SYNCRIP: variants seen among roughly 807,000 people sequenced by gnomAD.
SYNCRIP encodes heterogeneous nuclear ribonucleoprotein Q.
Under a neutral mutation model 68.9 loss-of-function variants are expected in SYNCRIP, and 9 were observed. That is an observed-to-expected ratio of 0.13 (90% CI 0.08 to 0.23). The LOEUF is 0.23. Among genes scored for constraint, SYNCRIP ranks in the 10% least tolerant of loss-of-function variants. The pLI, the probability that SYNCRIP is intolerant of heterozygous loss-of-function variation, is 1.00. For synonymous variants in SYNCRIP, 258 were observed against 254.0 expected, an observed-to-expected ratio of 1.02 and a Z score of -0.15; for missense variants, 414 against 770.6, an observed-to-expected ratio of 0.54 and a Z score of 5.48.
chr6:85,615,391 T>C (rs754181351), intron 10 of SYNCRIP, 44 bp from the exon 11 acceptor site: 2 of 1,336,778 alleles, frequency 1.5e-6, no homozygotes, highest in African/African-American at 2.9e-5. Flanking sequence ...TCAAATTACT[T>C]AGTTAACAAG....
At chr6:85,632,623 C>A (rs1807929045) in intron 6 of SYNCRIP, among the ~76,000 whole-genome samples, 1 of 152,114 alleles carries the variant, frequency 6.6e-6, no homozygotes, top group African/African-American at 2.4e-5. Context: ...AGATCCTACC[C>A]ACAGTAAAGC....
At position 85,620,773 on chromosome 6, in the gene SYNCRIP, C is replaced by T. The variant is rs535358778; in HGVS notation, c.1009-1356G>A. ...TCATATGGCAATTCTGTGCTTTCTG[C>T]TGTAAACCTAAAACTGCTCTAATGA... On this transcript the variant is annotated intron_variant, in intron 8 of 10. Transcript: ENST00000369622. Among the ~76,000 whole-genome samples the T allele has an allele frequency of 3.3e-5, 5 of 152,252 alleles. No homozygotes were observed. The Middle Eastern group carries it at 0.014, about 414-fold the overall frequency.
chr6:85,632,745 T>C (rs1277801417), intron 6 of SYNCRIP, among the ~76,000 whole-genome samples: 1 of 152,016 alleles, frequency 6.6e-6, no homozygotes, highest in Admixed American at 6.5e-5. Flanking sequence ...AGTTCAAGAC[T>C]AGCCTGGACA....
At chr6:85,632,609 T>G (rs1807927256) in intron 6 of SYNCRIP, among the ~76,000 whole-genome samples, 1 of 152,210 alleles carries the variant, frequency 6.6e-6, no homozygotes, top group Non-Finnish European at 1.5e-5. Context: ...AAAGCAAATC[T>G]ACCAGATCCT....
chr6:85,636,837 TG>T, intron 6 of SYNCRIP, 129 bp downstream of exon 6: 1 of 780,728 alleles, frequency 1.3e-6, no homozygotes, highest in Non-Finnish European at 2.0e-6. Context: ...CACAGTGATG[TG>T]GGAAAAAAAA....
At chr6:85,636,709 C>T (rs1015919616) in intron 6 of SYNCRIP, among the ~76,000 whole-genome samples, 1 of 152,102 alleles carries the variant, frequency 6.6e-6, no homozygotes, top group Admixed American at 6.5e-5. Flanking sequence ...AACAAACACA[C>T]AAAAACGTCA....
At chr6:85,643,833 C>T (rs1235805977), upstream of SYNCRIP, 1 of 152,262 alleles carries the variant, frequency 6.6e-6, no homozygotes. Flanking sequence ...GCCACCGCCC[C>T]GCGCTCTCCT....
At chr6:85,627,103 T>C (rs1242389259) in intron 6 of SYNCRIP, among the ~76,000 whole-genome samples, 1 of 151,646 alleles carries the variant, frequency 6.6e-6, no homozygotes, top group Non-Finnish European at 1.5e-5. Context: ...CCGTCTCTAC[T>C]AAAACACAAA....
chr6:85,642,917 A>G (rs1809385213), upstream of SYNCRIP: 1 of 152,334 alleles, frequency 6.6e-6, no homozygotes, highest in Non-Finnish European at 1.5e-5. Context: ...GCCGAAGCTC[A>G]CGCCGCTGGC....
At chr6:85,619,527 T>C in intron 8 of SYNCRIP, 110 bp from the exon 9 acceptor site, 1 of 973,764 alleles carries the variant, frequency 1.0e-6, no homozygotes, top group Non-Finnish European at 1.4e-6. Flanking sequence ...TAGAAGAATG[T>C]CAGAATATAA....
chr6:85,640,258 G>C lies in SYNCRIP; in HGVS notation c.338C>G (p.Ala113Gly). The change falls in exon 4 of 11, where the codon GCA (alanine) becomes GGA (glycine). Residue 113 changes from alanine (A) to glycine (G), a missense_variant. Ala to Gly is a moderately conservative substitution (Grantham distance 60). Transcript: ENST00000369622. ...RQREKQGTKV[A>G]DSSKGPDEAK... The stretch of plus-strand genomic sequence containing the variant: ...CTCATCTGGTCCTTTACTAGAATCT[G>C]CTACTTTGGTCCCTTGTTTTTCTCT... 1 of 1,613,770 alleles carries C rather than the reference G, an allele frequency of 6.2e-7. No individual in the cohort carries two copies. The highest frequency in any genetic ancestry group is 1.1e-5 in the South Asian group (1 of 91,060).
chr6:85,618,767 T>C, intron 10 of SYNCRIP, 51 bp downstream of exon 10: 2 of 1,445,268 alleles, frequency 1.4e-6, no homozygotes, highest in Non-Finnish European at 1.9e-6. Context: ...TTCCAATTAG[T>C]GTATAAATAT....
chr6:85,643,300 G>GCTC (rs1562122172), upstream of SYNCRIP: 1 of 152,030 alleles, frequency 6.6e-6, no homozygotes, highest in Admixed American at 6.6e-5. Context: ...TGCCGAGTCG[G>GCTC]CTCCTCTCTT....
At chr6:85,628,147 C>T (rs962496740) in intron 6 of SYNCRIP, among the ~76,000 whole-genome samples, 1 of 152,160 alleles carries the variant, frequency 6.6e-6, no homozygotes, top group African/African-American at 2.4e-5. Flanking sequence ...CCTCCACCTC[C>T]CGGTTTCAAG....
chr6:85,631,601 G>T (rs546764805), intron 6 of SYNCRIP, among the ~76,000 whole-genome samples: 2 of 152,292 alleles, frequency 1.3e-5, no homozygotes, highest in Non-Finnish European at 2.9e-5. Flanking sequence ...TAGTAGCAGC[G>T]AAGAAGATAA....
rs1050800636 is a variant in SYNCRIP, at chr6:85,625,379, G to A, written c.667-1267C>T. Among the ~76,000 whole-genome samples the A allele has an allele frequency of 5.1e-4, 77 of 151,150 alleles. 1 individual carries two copies. The highest frequency in any genetic ancestry group is 5.8e-4 in the Non-Finnish European group (39 of 67,722). On this transcript the variant is annotated intron_variant, in intron 6 of 10. Coordinates refer to ENST00000369622, the MANE Select transcript of SYNCRIP (RefSeq NM_006372.5). ...TTTATATCAACTCTTAAACATACAG[G>A]GTTTTTTTTTTTTTGTCTTTTCTGA...
intron 2 of SYNCRIP, among the ~76,000 whole-genome samples, chr6:85,641,007 A>G (rs113388084): frequency 0.01 from 1,574 of 152,308 alleles, 28 homozygotes; most frequent in African/African-American, 0.036. Flanking sequence ...AAAAATACTC[A>G]AAAAAGTCAC....
chr6:85,612,899 G>C (rs1156471453), downstream of SYNCRIP: 1 of 1,550,868 alleles, frequency 6.4e-7, no homozygotes, highest in Admixed American at 2.0e-5. Flanking sequence ...AACAGGTCAG[G>C]ACCGGCCTCG....
At chr6:85,642,132 G>A (rs1809241814) in intron 1 of SYNCRIP, among the ~76,000 whole-genome samples, 1 of 152,162 alleles carries the variant, frequency 6.6e-6, no homozygotes, top group South Asian at 2.1e-4. Context: ...CGCGGTCGGA[G>A]CCCCCAGAAA....
Sources: gnomAD v4.1 joint callset for allele counts (sites outside exome capture counted in the v4.1 genomes callset) on GRCh38, gnomAD v4.1.1 for gene constraint, MANE v1.5 for transcripts, NCBI Gene and HGNC (gene_info 2026-07-23, HGNC 2026-07-21) for gene names.